Variants in GFRAL observed in about 807,000 individuals in gnomAD.
GFRAL encodes GDNF family receptor alpha like, also known as GDNF family receptor alpha-like.
GFRAL carries 36 observed loss-of-function variants against 45.4 expected under a neutral mutation model. That is an observed-to-expected ratio of 0.79 (90% CI 0.61 to 1.05). GFRAL has a LOEUF of 1.05. Ranked by LOEUF, GFRAL falls within the 50% of genes least tolerant of loss-of-function variation. GFRAL has a pLI of 0.00. For synonymous variants in GFRAL, 166 were observed against 154.1 expected (o/e 1.08, Z -0.57); for missense variants, 507 against 467.5 (o/e 1.08, Z -0.78).
intron 3 of GFRAL, among the ~76,000 whole-genome samples, chr6:55,335,620 G>A (rs1767880930): frequency 6.6e-6 from 1 of 152,022 alleles, no homozygotes; most frequent in East Asian, 1.9e-4. Context: ...TTTGTATCCA[G>A]TACAAGATAT....
At chr6:55,392,271 C>T (rs910681997) in intron 6 of GFRAL, among the ~76,000 whole-genome samples, 10 of 152,176 alleles carry the variant, frequency 6.6e-5, no homozygotes, top group African/African-American at 2.4e-4. Context: ...GAAACTAGAT[C>T]AAGAACTTTA....
chr6:55,373,175 G>A (rs935872972), intron 6 of GFRAL, among the ~76,000 whole-genome samples: 2 of 152,030 alleles, frequency 1.3e-5, no homozygotes, highest in Non-Finnish European at 2.9e-5. Flanking sequence ...GCATTGTGCA[G>A]CCTCTCTGGC....
intron 6 of GFRAL, among the ~76,000 whole-genome samples, chr6:55,368,916 G>A (rs529823214): frequency 1.6e-4 from 24 of 152,202 alleles, no homozygotes; most frequent in East Asian, 9.7e-4. Context: ...CCCTGACCCC[G>A]GAGGTGGAGC....
chr6:55,387,699 C>T (rs1434184729), intron 6 of GFRAL, among the ~76,000 whole-genome samples: 2 of 152,160 alleles, frequency 1.3e-5, no homozygotes, highest in Admixed American at 6.5e-5. Context: ...GGTTCGTCTT[C>T]CATTAGTATC....
chr6:55,350,660 C>A (rs1768104889), intron 4 of GFRAL, among the ~76,000 whole-genome samples: 1 of 152,072 alleles, frequency 6.6e-6, no homozygotes, highest in Admixed American at 6.6e-5. Flanking sequence ...GGGATCATGC[C>A]ACTATACAAC....
intron 6 of GFRAL, among the ~76,000 whole-genome samples, chr6:55,394,900 AGAGAAGGAG>A (rs1450899430): frequency 1.3e-5 from 2 of 152,180 alleles, no homozygotes; most frequent in African/African-American, 2.4e-5. Context: ...GATAGGAATG[AGAGAAGGAG>A]GAGAAGGAGG....
intron 5 of GFRAL, among the ~76,000 whole-genome samples, chr6:55,355,279 A>G (rs1210106135): frequency 1.3e-5 from 2 of 151,932 alleles, no homozygotes; most frequent in African/African-American, 4.8e-5. Context: ...GGTGCAGCAA[A>G]CAACCATGGC....
intron 6 of GFRAL, among the ~76,000 whole-genome samples, chr6:55,366,388 C>A (rs1207838005): frequency 6.7e-6 from 1 of 148,998 alleles, no homozygotes; most frequent in Non-Finnish European, 1.5e-5. Context: ...TTTCAAAAAA[C>A]CAGCTCCTGG....
intron 3 of GFRAL, among the ~76,000 whole-genome samples, chr6:55,334,185 T>C (rs1436195876): frequency 6.6e-6 from 1 of 152,160 alleles, no homozygotes; most frequent in Non-Finnish European, 1.5e-5. Flanking sequence ...CCTCAGTAAG[T>C]GCACGACATA....
At chr6:55,377,001 C>G (rs996701130) in intron 6 of GFRAL, among the ~76,000 whole-genome samples, 1 of 151,850 alleles carries the variant, frequency 6.6e-6, no homozygotes, top group African/African-American at 2.4e-5. Flanking sequence ...GCTTGACAAC[C>G]AATTTCTACC....
chr6:55,388,351 T>C (rs910306099), intron 6 of GFRAL, among the ~76,000 whole-genome samples: 3 of 152,168 alleles, frequency 2.0e-5, no homozygotes, highest in Non-Finnish European at 4.4e-5. Flanking sequence ...TGCTGAGTTT[T>C]CTCAGAGGGC....
chr6:55,342,831 G>A (rs1168937954), intron 3 of GFRAL, among the ~76,000 whole-genome samples: 4 of 152,036 alleles, frequency 2.6e-5, no homozygotes, highest in Non-Finnish European at 5.9e-5. Flanking sequence ...GATGGAGGAA[G>A]ATCTACCAAG....
intron 6 of GFRAL, among the ~76,000 whole-genome samples, chr6:55,370,016 A>T (rs1399510635): frequency 6.6e-6 from 1 of 152,204 alleles, no homozygotes; most frequent in Non-Finnish European, 1.5e-5. Context: ...ACTATGTGTT[A>T]TCTGAGTGAT....
Position 55,351,450 on chromosome 6 carries a change from G to T in GFRAL, c.568G>T (p.Asp190Tyr), listed in dbSNP as rs756382910. 10 of 1,613,492 alleles carry T rather than the reference G, an allele frequency of 6.2e-6. No homozygotes were observed. Among genetic ancestry groups the T allele is most frequent in the Non-Finnish European group, 8.5e-6 (10 of 1,179,750 alleles). The change falls in exon 5 of 9, where the codon GAC becomes TAC. Residue 190 changes from aspartate to tyrosine, a missense_variant. Physicochemically the swap from Asp to Tyr is radical, Grantham distance 160 (BLOSUM62 -3). Coordinates refer to ENST00000340465, the MANE Select transcript of GFRAL (RefSeq NM_207410.2). ...FNIAQMLAFC[D>Y]CAQSDIPCQQ... ...CATTGCCCAGATGTTGGCTTTTTGTGACTGTGCTCAATCTGATATACCTTG... is the reference window on the plus strand; with the variant it reads ...CATTGCCCAGATGTTGGCTTTTTGTTACTGTGCTCAATCTGATATACCTTG...
rs1768905607 is a variant in GFRAL at position 55,401,966 on chromosome 6, GTTTC to G, written c.*117_*120del. 1 of 625,584 alleles carries G rather than the reference GTTTC, an allele frequency of 1.6e-6. No individual in the cohort carries two copies. The highest frequency in any genetic ancestry group is 2.7e-6 in the Non-Finnish European group (1 of 364,832). 38.8% of individuals were successfully genotyped at this position (625,584 alleles called of 1,614,324 possible). On this transcript the variant is annotated 3_prime_UTR_variant, in exon 9 of 9. Coordinates refer to ENST00000340465, the MANE Select transcript of GFRAL (RefSeq NM_207410.2). ...TCTCCTCTCCTCCCCTCCCCTCTCT[GTTTC>G]TTTTTCTTTTTCTTTTCTTTTTTGT...
intron 3 of GFRAL, among the ~76,000 whole-genome samples, chr6:55,337,351 A>G (rs1429988990): frequency 6.6e-6 from 1 of 151,608 alleles, no homozygotes; most frequent in Non-Finnish European, 1.5e-5. Flanking sequence ...ATGTTCATAA[A>G]GTATATTGGC....
At chr6:55,368,076 C>T (rs1289344439) in intron 6 of GFRAL, among the ~76,000 whole-genome samples, 1 of 149,412 alleles carries the variant, frequency 6.7e-6, no homozygotes, top group Non-Finnish European at 1.5e-5. Context: ...CTTTCAGGTA[C>T]ACCAATCAGA....
At chr6:55,351,915 T>C (rs910139358) in intron 5 of GFRAL, among the ~76,000 whole-genome samples, 1 of 151,680 alleles carries the variant, frequency 6.6e-6, no homozygotes, top group African/African-American at 2.4e-5. Flanking sequence ...TTTTTTTTTG[T>C]TGTTTGTTTA....
intron 6 of GFRAL, among the ~76,000 whole-genome samples, chr6:55,378,215 AG>A (rs1247028033): frequency 6.6e-6 from 1 of 152,020 alleles, no homozygotes; most frequent in Admixed American, 6.6e-5. Context: ...AAGCACTCTT[AG>A]GTTGCAGCTG....
Sources: allele counts gnomAD v4.1 joint callset (sites outside exome capture counted in the v4.1 genomes callset), GRCh38; gene constraint gnomAD v4.1.1; transcripts MANE v1.5; gene names NCBI Gene and HGNC (gene_info 2026-07-23, HGNC 2026-07-21).